The following COPA variants were observed in gnomAD, a reference collection of about 807,000 sequenced individuals.
COPA encodes coat protein complex I subunit alpha.
A neutral mutation model predicts 158.7 loss-of-function variants in COPA; 10 were observed. That is an observed-to-expected ratio of 0.06 (90% CI 0.04 to 0.11). The LOEUF is 0.11. Among genes scored for constraint, COPA ranks in the 10% least tolerant of loss-of-function variants. COPA has a pLI of 1.00. For missense variants in COPA, 1,065 were observed against 1,536.7 expected (o/e 0.69, Z 5.13); for synonymous variants, 462 against 542.8 (o/e 0.85, Z 2.07).
intron 19 of COPA, among the ~76,000 whole-genome samples, 186 bp downstream of exon 19, chr1:160,298,659 G>C (rs1442562871): frequency 6.6e-6 from 1 of 152,186 alleles, no homozygotes; most frequent in Non-Finnish European, 1.5e-5. Context: ...GGTGGCAGAA[G>C]CAGAGGCAGG....
chr1:160,328,798 G>A (rs1426126871), intron 6 of COPA, among the ~76,000 whole-genome samples: 1 of 152,168 alleles, frequency 6.6e-6, no homozygotes, highest in African/African-American at 2.4e-5. Flanking sequence ...GTTTTTGCCA[G>A]GGTAACACAA....
intron 8 of COPA, among the ~76,000 whole-genome samples, chr1:160,315,601 G>C (rs1054615184): frequency 2.0e-5 from 3 of 152,178 alleles, no homozygotes; most frequent in Non-Finnish European, 4.4e-5. Flanking sequence ...AAGCCAAAGA[G>C]GAGGAAGTGA....
intron 8 of COPA, among the ~76,000 whole-genome samples, chr1:160,322,986 C>T (rs550634750): frequency 1.4e-5 from 2 of 145,868 alleles, no homozygotes; most frequent in African/African-American, 2.7e-5. Context: ...CATACGCGCA[C>T]GTGCACACAC....
At position 160,305,701 on chromosome 1, in the gene COPA, T is replaced by C; in HGVS notation, c.1515A>G (p.Leu505=). ...ATGAAGACTCACCGTGTTTGGCTAG[T>C]AGTGCTACATGTGACATGTCTGCTG... ...IWSADMSHVA[L]LAKHAIVICN... The change falls in exon 16 of 33, where the codon CTA becomes CTG. Residue 505 remains leucine (L), a synonymous_variant. Transcript: ENST00000241704. 1.2e-6 allele frequency: 2 copies of C among 1,614,178 alleles called. No homozygotes were observed. The highest frequency in any genetic ancestry group is 1.6e-4 in the Middle Eastern group (1 of 6,062).
intron 6 of COPA, among the ~76,000 whole-genome samples, chr1:160,330,915 T>C (rs1329078975): frequency 6.6e-6 from 1 of 151,840 alleles, no homozygotes; most frequent in East Asian, 1.9e-4. Context: ...GGCTCGCGCC[T>C]ATAATCTCAG....
intron 17 of COPA, among the ~76,000 whole-genome samples, chr1:160,304,066 G>C (rs1351157571): frequency 1.3e-5 from 2 of 151,972 alleles, no homozygotes; most frequent in Non-Finnish European, 2.9e-5. Context: ...CCAGGCTGGA[G>C]TGCAATGGTA....
Position 160,294,416 on chromosome 1 carries a change from A to G in COPA, c.2676+68T>C, listed in dbSNP as rs953021703. 5.2e-6 allele frequency: 7 copies of G among 1,345,134 alleles called. No individual in the cohort carries two copies. In the African/African-American group the frequency reaches 7.2e-5, roughly 14 times the overall value. 83.3% of individuals were successfully genotyped at this position (1,345,134 alleles called of 1,614,324 possible). ...GGAGACCTGAGGATAGTGGTAGGGG[A>G]CAATAAGGCCTCTGGCTTCCACAGG... is the stretch of plus-strand genomic sequence containing the variant. On this transcript the variant is annotated intron_variant, in intron 25 of 32. Coordinates refer to ENST00000241704, the MANE Select transcript of COPA (RefSeq NM_004371.4).
intron 1 of COPA, among the ~76,000 whole-genome samples, chr1:160,342,829 G>A (rs376795533): frequency 4.6e-5 from 7 of 152,176 alleles, no homozygotes; most frequent in South Asian, 2.1e-4. Context: ...CTTTGGAGCA[G>A]AACAACACAA....
chr1:160,317,220 A>G (rs540802092), intron 8 of COPA, among the ~76,000 whole-genome samples: 11 of 152,376 alleles, frequency 7.2e-5, no homozygotes, highest in African/African-American at 2.2e-4. Context: ...TCCATCTTAC[A>G]GTAAGTGTTA....
At position 160,326,836 on chromosome 1, in the gene COPA, G is replaced by C. The variant is rs142267926; in HGVS notation, c.497-1184C>G. Among the ~76,000 whole-genome samples, 372 of 152,290 alleles carry C rather than the reference G, an allele frequency of 2.4e-3. 1 individual carries two copies. Among genetic ancestry groups the C allele is most frequent in the African/African-American group, 8.5e-3 (355 of 41,560 alleles). ...AAAACCTTTGGAGGCTAGTTTTACT[G>C]GGAGGAATTATCCTGTAACTTAAAA... On this transcript the variant is annotated intron_variant, in intron 6 of 32. Coordinates refer to ENST00000241704, the MANE Select transcript of COPA (RefSeq NM_004371.4).
intron 11 of COPA, 31 bp downstream of exon 11, chr1:160,311,837 G>T (rs112191624): frequency 8.7e-6 from 14 of 1,601,200 alleles, no homozygotes; most frequent in African/African-American, 5.3e-5. Flanking sequence ...CAGATGAGAG[G>T]GTTTGGAGGA....
chr1:160,324,682 C>G (rs1217903913), intron 7 of COPA, among the ~76,000 whole-genome samples: 1 of 152,038 alleles, frequency 6.6e-6, no homozygotes, highest in Admixed American at 6.6e-5. Flanking sequence ...GCTCTGACAG[C>G]TAATAGAATG....
At chr1:160,293,020 G>A in intron 27 of COPA, 146 bp downstream of exon 27, 2 of 820,532 alleles carry the variant, frequency 2.4e-6, no homozygotes, top group South Asian at 1.7e-5. Context: ...GAAGGCAAGT[G>A]TACTTAACAA....
chr1:160,294,342 TCC>T, intron 25 of COPA, 140 bp downstream of exon 25: 3 of 684,620 alleles, frequency 4.4e-6, no homozygotes, highest in Non-Finnish European at 7.7e-6. Flanking sequence ...GAGGGTCTAG[TCC>T]CCTTCCCAGA....
At chr1:160,296,017 A>G in intron 22 of COPA, 44 bp downstream of exon 22, 1 of 1,598,112 alleles carries the variant, frequency 6.3e-7, no homozygotes, top group South Asian at 1.1e-5. Context: ...AAGATCCTAG[A>G]GTTAATCCTG....
chr1:160,295,980 G>C (rs1658389062), intron 22 of COPA, 81 bp downstream of exon 22: 1 of 1,578,592 alleles, frequency 6.3e-7, no homozygotes, highest in Admixed American at 1.7e-5. Flanking sequence ...AGGTGGGAGA[G>C]TGACATTCAT....
chr1:160,309,136 G>A lies in COPA; in HGVS notation c.1184C>T (p.Thr395Ile), dbSNP rs1422591654. ...CTGGGAGTCAGCATCTTTAGGGATG[G>A]TGTACAGGTCATAGGTACTATTCTC... ...NLENSTYDLY[T>I]IPKDADSQNP... The change falls in exon 13 of 33, where the codon ACC becomes ATC. Residue 395 changes from threonine to isoleucine, a missense_variant. By Grantham distance (89) the Thr-to-Ile change is moderately conservative (BLOSUM62 -1). Coordinates refer to ENST00000241704, the MANE Select transcript of COPA (RefSeq NM_004371.4). 1.2e-6 allele frequency: 2 copies of A among 1,613,798 alleles called. No homozygotes were observed. The highest frequency in any genetic ancestry group is 1.1e-5 in the South Asian group (1 of 91,070).
At chr1:160,316,368 G>T (rs1425035112) in intron 8 of COPA, among the ~76,000 whole-genome samples, 3 of 149,600 alleles carry the variant, frequency 2.0e-5, no homozygotes, top group African/African-American at 7.4e-5. Context: ...GAAAAAAAAA[G>T]AAGTCAGAGG....
chr1:160,291,426 T>C lies in COPA; in HGVS notation c.3329A>G (p.Asn1110Ser). 2 of 1,614,104 alleles carry C rather than the reference T, an allele frequency of 1.2e-6. No homozygotes were observed. Among genetic ancestry groups the C allele is most frequent in the South Asian group, 1.1e-5 (1 of 91,070 alleles). ...GAAGTTCTTGAGCTTGAAGAACAGA[T>C]TGAGGGCTGTACGCAGCACCAGGAT... Reference protein sequence around the residue: ...HMILVLRTALNLFFKLKNFKT... With the variant: ...HMILVLRTALSLFFKLKNFKT... Residue 1110 changes from asparagine (N) to serine (S), a missense_variant, in exon 31 of 33, where the codon AAT (asparagine) becomes AGT (serine). Transcript: ENST00000241704.
Sources: allele counts gnomAD v4.1 joint callset (sites outside exome capture counted in the v4.1 genomes callset), GRCh38; gene constraint gnomAD v4.1.1; transcripts MANE v1.5; gene names NCBI Gene and HGNC (gene_info 2026-07-23, HGNC 2026-07-21).